CDH9: variants seen among roughly 807,000 people sequenced by gnomAD.
The protein encoded by CDH9 is cadherin-9.
CDH9 carries 28 observed loss-of-function variants against 70.9 expected under a neutral mutation model. That is an observed-to-expected ratio of 0.40 (90% confidence interval 0.29 to 0.54). The LOEUF (loss-of-function observed/expected upper bound fraction) is 0.54, where lower values mean the gene tolerates loss of function less well. CDH9 is among the 20% of genes least tolerant of loss of function. The pLI, the probability that CDH9 is intolerant of heterozygous loss-of-function variation, is 0.59. For synonymous variants in CDH9, 409 were observed against 343.1 expected (o/e 1.19, Z -2.12); for missense variants, 874 against 984.4 (o/e 0.89, Z 1.50).
At chr5:27,018,605 A>G (rs1004392550) in intron 1 of CDH9, among the ~76,000 whole-genome samples, 3 of 151,976 alleles carry the variant, frequency 2.0e-5, no homozygotes, top group African/African-American at 7.2e-5. Context: ...CATGTGTCAT[A>G]CTGAGATATT....
chr5:26,906,193 A>G, intron 4 of CDH9, 67 bp from the exon 5 acceptor site: 11 of 1,343,002 alleles, frequency 8.2e-6, no homozygotes, highest in Non-Finnish European at 1.1e-5. Context: ...GCTAGACAAG[A>G]CTCATTTTAC....
In CDH9 at chr5:26,885,879, C is replaced by T. The variant is rs374143136; in HGVS notation, c.1631-14G>A. On this transcript the variant is annotated splice_polypyrimidine_tract_variant and intron_variant, in intron 10 of 11. Coordinates refer to ENST00000231021, the MANE Select transcript of CDH9 (RefSeq NM_016279.4). ...CTGCTGTATTATCTGGGGGAGAAAA[C>T]ATGTAAAAAAACAAAAACTTTCATA... The T allele has an allele frequency of 2.3e-5, 37 of 1,607,924 alleles. No individual in the cohort carries two copies. The African/African-American group carries it at 4.2e-4, about 18-fold the overall frequency.
Position 26,903,775 on chromosome 5 carries a change from A to G in CDH9, c.861T>C (p.Leu287=), listed in dbSNP as rs1418908151. Residue 287 remains leucine, a synonymous_variant, in exon 6 of 12, where the codon CTT becomes CTC. Transcript: ENST00000231021. ...SPESVPLGTH[L]GRIKANDPDV... ...CAGGGTCATTGGCTTTTATCCTTCCAAGATGAGTTCCAAGAGGTACAGACT... is the reference window on the plus strand; with the variant it reads ...CAGGGTCATTGGCTTTTATCCTTCCGAGATGAGTTCCAAGAGGTACAGACT... 3 of 1,607,014 alleles carry G rather than the reference A, an allele frequency of 1.9e-6. No homozygotes were observed. In the Admixed American group the frequency reaches 5.1e-5, roughly 27 times the overall value.
At chr5:27,032,009 T>C (rs1014908395) in intron 1 of CDH9, among the ~76,000 whole-genome samples, 8 of 151,820 alleles carry the variant, frequency 5.3e-5, no homozygotes, top group African/African-American at 1.9e-4. Context: ...ATTTAGCTAT[T>C]GAAAAACCAA....
At chr5:26,993,846 G>A (rs1742622571) in intron 1 of CDH9, among the ~76,000 whole-genome samples, 1 of 152,222 alleles carries the variant, frequency 6.6e-6, no homozygotes, top group Middle Eastern at 3.4e-3. Flanking sequence ...CAGGGCTTCA[G>A]GGTAGGGGTG....
intron 1 of CDH9, among the ~76,000 whole-genome samples, chr5:27,026,693 T>C (rs1336329726): frequency 6.6e-6 from 1 of 151,878 alleles, no homozygotes; most frequent in Admixed American, 6.6e-5. Flanking sequence ...TGCTTGACTA[T>C]AGAAAAAAAA....
At chr5:27,004,262 T>C (rs961309760) in intron 1 of CDH9, among the ~76,000 whole-genome samples, 3 of 151,232 alleles carry the variant, frequency 2.0e-5, no homozygotes, top group Non-Finnish European at 4.4e-5. Context: ...AGAAGGTGGG[T>C]GGAGAAAGGA....
intron 1 of CDH9, among the ~76,000 whole-genome samples, chr5:27,020,686 T>A (rs1185849702): frequency 1.3e-5 from 2 of 151,104 alleles, no homozygotes; most frequent in African/African-American, 4.9e-5. Flanking sequence ...ATTATGAAAA[T>A]AACTGAGAAA....
intron 1 of CDH9, among the ~76,000 whole-genome samples, chr5:27,013,514 T>C (rs1742993346): frequency 6.6e-6 from 1 of 151,936 alleles, no homozygotes; most frequent in Non-Finnish European, 1.5e-5. Context: ...TATTTGGCCA[T>C]TGAAGTTTGA....
intron 2 of CDH9, among the ~76,000 whole-genome samples, chr5:26,925,431 T>C (rs1741320230): frequency 6.6e-6 from 1 of 152,180 alleles, no homozygotes; most frequent in Non-Finnish European, 1.5e-5. Context: ...TTAAGTTCTT[T>C]GTAGATTCTA....
At chr5:26,978,078 A>G (rs1005283078) in intron 2 of CDH9, among the ~76,000 whole-genome samples, 6 of 152,084 alleles carry the variant, frequency 3.9e-5, no homozygotes, top group African/African-American at 1.4e-4. Flanking sequence ...ACACTCTTTA[A>G]AGCAAGATAA....
intron 1 of CDH9, among the ~76,000 whole-genome samples, chr5:26,997,782 C>T (rs1324539450): frequency 2.0e-5 from 3 of 150,582 alleles, no homozygotes; most frequent in Admixed American, 1.3e-4. Context: ...TCACCACAAC[C>T]TCTGCCTCCT....
At chr5:26,921,735 C>G (rs1263255863) in intron 2 of CDH9, among the ~76,000 whole-genome samples, 2 of 151,982 alleles carry the variant, frequency 1.3e-5, no homozygotes, top group African/African-American at 4.8e-5. Context: ...CTATTTTTGC[C>G]TAAATGGTCT....
intron 2 of CDH9, among the ~76,000 whole-genome samples, chr5:26,968,673 G>GTAT (rs1742167995): frequency 6.6e-6 from 1 of 150,508 alleles, no homozygotes. Context: ...AGTATGAGAA[G>GTAT]CATGGTATGA....
At chr5:26,892,715 TTTG>T (rs1554034948) in intron 7 of CDH9, among the ~76,000 whole-genome samples, 3 of 151,808 alleles carry the variant, frequency 2.0e-5, no homozygotes, top group South Asian at 2.1e-4. Context: ...CTGGCATTTT[TTTG>T]TTGTTGTTGT....
At chr5:27,010,391 G>A (rs1742936112) in intron 1 of CDH9, among the ~76,000 whole-genome samples, 1 of 152,056 alleles carries the variant, frequency 6.6e-6, no homozygotes, top group African/African-American at 2.4e-5. Flanking sequence ...CTTTCATCAA[G>A]GAGTGTCAGA....
At chr5:26,989,514 C>CTCTCTG (rs1742545749) in intron 1 of CDH9, among the ~76,000 whole-genome samples, 1 of 150,774 alleles carries the variant, frequency 6.6e-6, no homozygotes, top group African/African-American at 2.4e-5. Flanking sequence ...CTCTGTCTCT[C>CTCTCTG]TCTCTCTCTC....
chr5:26,927,512 C>T (rs781380732), intron 2 of CDH9, among the ~76,000 whole-genome samples: 9 of 151,996 alleles, frequency 5.9e-5, no homozygotes, highest in Non-Finnish European at 1.2e-4. Flanking sequence ...TGGACTTAGA[C>T]CTAGTCCGGC....
At chr5:27,007,283 T>C (rs1346365325) in intron 1 of CDH9, among the ~76,000 whole-genome samples, 1 of 152,032 alleles carries the variant, frequency 6.6e-6, no homozygotes, top group African/African-American at 2.4e-5. Context: ...GAGAAAGCAA[T>C]AGTTCAGCCC....
Sources: allele counts gnomAD v4.1 joint callset (sites outside exome capture counted in the v4.1 genomes callset), GRCh38; gene constraint gnomAD v4.1.1; transcripts MANE v1.5; gene names NCBI Gene and HGNC (gene_info 2026-07-23, HGNC 2026-07-21).